The following ANKS1B variants were observed in gnomAD, a reference collection of about 807,000 sequenced individuals.
The protein encoded by ANKS1B is ankyrin repeat and sterile alpha motif domain-containing protein 1B.
ANKS1B carries 36 observed loss-of-function variants against 148.3 expected under a neutral mutation model. That is an observed-to-expected ratio of 0.24 (90% CI 0.19 to 0.32). The LOEUF (loss-of-function observed/expected upper bound fraction) is 0.32, where lower values mean the gene tolerates loss of function less well. Ranked by LOEUF, ANKS1B falls within the 10% of genes least tolerant of loss-of-function variation. The pLI is 1.00. For missense variants in ANKS1B, 1,157 were observed against 1,542.6 expected (o/e 0.75, Z 4.19); for synonymous variants, 542 against 560.8 (o/e 0.97, Z 0.47).
chr12:99,475,193 C>T (rs1328306032), intron 10 of ANKS1B, among the ~76,000 whole-genome samples: 2 of 147,512 alleles, frequency 1.4e-5, no homozygotes, highest in East Asian at 2.0e-4. Context: ...TGCAGTGAGC[C>T]GAGATCACAC....
chr12:99,860,877 T>C lies in ANKS1B; in HGVS notation c.135-35488A>G, dbSNP rs75149054. On this transcript the variant is annotated intron_variant, in intron 1 of 26. Transcript: ENST00000683438. ...AAACAAATGAAAGGATGGCTATATC[T>C]TTCCTACTGATAAATTAAACTACAT... 2.0e-5 allele frequency among the ~76,000 whole-genome samples: 3 copies of C among 152,226 alleles called. No individual in the cohort carries two copies. In the East Asian group the frequency reaches 5.8e-4, roughly 29 times the overall value.
At chr12:98,785,737 C>A (rs115864188) in intron 22 of ANKS1B, among the ~76,000 whole-genome samples, 2,891 of 152,258 alleles carry the variant, frequency 0.019, 32 homozygotes, top group African/African-American at 0.025. Context: ...AGTTACTGAG[C>A]ACGTGCTCTC....
chr12:99,283,153 T>C (rs746579206), intron 12 of ANKS1B, among the ~76,000 whole-genome samples: 4 of 152,096 alleles, frequency 2.6e-5, no homozygotes, highest in Non-Finnish European at 4.4e-5. Flanking sequence ...CAGAAAATAA[T>C]TCCTAGGTCA....
At chr12:99,124,424 G>GTGTGTGTGTGTT (rs1243936587) in intron 15 of ANKS1B, among the ~76,000 whole-genome samples, 3 of 151,894 alleles carry the variant, frequency 2.0e-5, no homozygotes, top group Non-Finnish European at 2.9e-5. Context: ...GTGCATGTGT[G>GTGTGTGTGTGTT]TGTGTGTGTG....
intron 14 of ANKS1B, among the ~76,000 whole-genome samples, chr12:99,170,611 T>G (rs1363190452): frequency 6.6e-6 from 1 of 152,164 alleles, no homozygotes; most frequent in Non-Finnish European, 1.5e-5. Flanking sequence ...AAGAGACTGG[T>G]CCTGCGCCAT....
At chr12:99,417,439 T>A (rs1388120694) in intron 11 of ANKS1B, among the ~76,000 whole-genome samples, 1 of 152,234 alleles carries the variant, frequency 6.6e-6, no homozygotes, top group South Asian at 2.1e-4. Flanking sequence ...CTACATTGTC[T>A]TAAGTACTGT....
At chr12:99,724,538 C>T (rs1201372745) in intron 8 of ANKS1B, among the ~76,000 whole-genome samples, 1 of 152,038 alleles carries the variant, frequency 6.6e-6, no homozygotes, top group Non-Finnish European at 1.5e-5. Context: ...GACTGGAGTA[C>T]CTGAAACAGA....
At chr12:99,563,379 T>C (rs1180873043) in intron 9 of ANKS1B, among the ~76,000 whole-genome samples, 1 of 152,216 alleles carries the variant, frequency 6.6e-6, no homozygotes, top group Non-Finnish European at 1.5e-5. Flanking sequence ...TCCTCTCACT[T>C]GAACACTTAA....
At chr12:99,100,871 G>A (rs2057753795) in intron 15 of ANKS1B, among the ~76,000 whole-genome samples, 1 of 152,136 alleles carries the variant, frequency 6.6e-6, no homozygotes, top group South Asian at 2.1e-4. Flanking sequence ...AATGATTATG[G>A]CTGTACAGAG....
At chr12:98,867,217 G>A (rs2099629166) in intron 17 of ANKS1B, among the ~76,000 whole-genome samples, 3 of 152,060 alleles carry the variant, frequency 2.0e-5, no homozygotes, top group South Asian at 4.2e-4. Flanking sequence ...CAGGTCAACT[G>A]GATTACTCTG....
At chr12:98,915,854 A>C (rs1278895028) in intron 17 of ANKS1B, among the ~76,000 whole-genome samples, 1 of 152,202 alleles carries the variant, frequency 6.6e-6, no homozygotes, top group Non-Finnish European at 1.5e-5. Flanking sequence ...GGGCAGAACC[A>C]AGACTCAAAT....
chr12:99,527,754 T>G (rs1436811691), intron 9 of ANKS1B, among the ~76,000 whole-genome samples: 1 of 152,150 alleles, frequency 6.6e-6, no homozygotes, highest in African/African-American at 2.4e-5. Flanking sequence ...TAGTATCTGC[T>G]TCAAGGTTTT....
chr12:98,856,752 G>GA (rs2099573844), intron 17 of ANKS1B, among the ~76,000 whole-genome samples: 1 of 152,126 alleles, frequency 6.6e-6, no homozygotes, highest in South Asian at 2.1e-4. Flanking sequence ...ACAGATGCTT[G>GA]ACACTAGCTG....
intron 12 of ANKS1B, among the ~76,000 whole-genome samples, chr12:99,279,057 T>C (rs2078052178): frequency 6.6e-6 from 1 of 152,154 alleles, no homozygotes; most frequent in Admixed American, 6.5e-5. Context: ...GAATGGTGCC[T>C]GAAATGGTGT....
chr12:99,207,210 T>C (rs1042869496), intron 14 of ANKS1B, among the ~76,000 whole-genome samples: 1 of 152,210 alleles, frequency 6.6e-6, no homozygotes, highest in Non-Finnish European at 1.5e-5. Context: ...TGCGATTTTC[T>C]GAACTACTTT....
chr12:99,212,878 C>T (rs1488526498), intron 14 of ANKS1B, among the ~76,000 whole-genome samples: 1 of 152,136 alleles, frequency 6.6e-6, no homozygotes, highest in Admixed American at 6.5e-5. Context: ...CATTCATATC[C>T]CTAGTTCTCC....
intron 12 of ANKS1B, among the ~76,000 whole-genome samples, chr12:99,268,902 A>T (rs1225145763): frequency 6.6e-6 from 1 of 152,184 alleles, no homozygotes; most frequent in East Asian, 1.9e-4. Flanking sequence ...TGAGACAATA[A>T]GTTCTGTCTC....
chr12:99,064,258 A>C (rs913474396), intron 16 of ANKS1B, among the ~76,000 whole-genome samples: 1 of 152,242 alleles, frequency 6.6e-6, no homozygotes, highest in African/African-American at 2.4e-5. Flanking sequence ...ATTTCGTGAA[A>C]AAGAGAAATG....
chr12:99,782,642 A>T (rs1201455346), intron 4 of ANKS1B, among the ~76,000 whole-genome samples: 1 of 152,208 alleles, frequency 6.6e-6, no homozygotes, highest in Non-Finnish European at 1.5e-5. Flanking sequence ...TAAGTATAAA[A>T]TAAGAGAAGT....
Sources: gnomAD v4.1 joint callset for allele counts (sites outside exome capture counted in the v4.1 genomes callset) on GRCh38, gnomAD v4.1.1 for gene constraint, MANE v1.5 for transcripts, NCBI Gene and HGNC (gene_info 2026-07-23, HGNC 2026-07-21) for gene names.